The following AFF2 variants were observed in gnomAD, a reference collection of about 807,000 sequenced individuals.
AFF2 encodes the protein ALF transcription elongation factor 2.
A neutral mutation model predicts 76.9 loss-of-function variants in AFF2; 14 were observed. The observed-to-expected ratio is 0.18, with a 90% CI of 0.12 to 0.28. AFF2 has a LOEUF of 0.28. AFF2 is among the 10% of genes least tolerant of loss of function. The probability of loss-of-function intolerance (pLI) is 1.00; values close to 1 mark genes in which losing one functional copy is unlikely to be tolerated. For synonymous variants in AFF2, 398 were observed against 366.7 expected, an observed-to-expected ratio of 1.09 and a Z score of -0.98; for missense variants, 868 against 1,001.1, an observed-to-expected ratio of 0.87 and a Z score of 1.79.
At chrX:148,552,348 A>T (rs1420764914) in intron 1 of AFF2, among the ~76,000 whole-genome samples, 1 of 111,309 alleles carries the variant, frequency 9.0e-6, no homozygotes, top group Admixed American at 9.5e-5. Context: ...GTGTGTGTCA[A>T]CTCTGACTTG....
chrX:148,631,792 G>A (rs1175119017), intron 1 of AFF2, among the ~76,000 whole-genome samples: 2 of 112,048 alleles, frequency 1.8e-5, no homozygotes, highest in African/African-American at 6.5e-5. Context: ...CCTCAGAACA[G>A]CTCTTTTAAT....
At chrX:148,660,634 C>A (rs1557257610) in intron 2 of AFF2, among the ~76,000 whole-genome samples, 1 of 112,039 alleles carries the variant, frequency 8.9e-6, no homozygotes. Context: ...CTCCTGTGCA[C>A]TGAAAATGTG....
At chrX:148,699,299 T>C (rs1301094289) in intron 3 of AFF2, among the ~76,000 whole-genome samples, 2 of 112,543 alleles carry the variant, frequency 1.8e-5, no homozygotes, top group Admixed American at 9.4e-5. Flanking sequence ...CGCATAGGTA[T>C]ACCTGCACAT....
chrX:148,840,422 A>G (rs73607922), intron 5 of AFF2, among the ~76,000 whole-genome samples: 7,009 of 111,852 alleles, frequency 0.063, 438 homozygotes, highest in African/African-American at 0.19. Context: ...GTTAATTATG[A>G]CAAAGATGGT....
At chrX:148,938,359 T>A (rs946437872) in intron 9 of AFF2, among the ~76,000 whole-genome samples, 2 of 112,277 alleles carry the variant, frequency 1.8e-5, no homozygotes, top group Admixed American at 9.5e-5. Flanking sequence ...CTTTTGAGAC[T>A]CTCCTTATAT....
intron 3 of AFF2, among the ~76,000 whole-genome samples, chrX:148,781,836 CCCGAGGGAATCT>C (rs2069749555): frequency 8.9e-6 from 1 of 111,733 alleles, no homozygotes; most frequent in Non-Finnish European, 1.9e-5. Flanking sequence ...GGTGTAGGCA[CCCGAGGGAATCT>C]CCTGGTCTGT....
chrX:148,835,042 G>A (rs1557273650), intron 4 of AFF2, among the ~76,000 whole-genome samples: 1 of 112,072 alleles, frequency 8.9e-6, no homozygotes, highest in Non-Finnish European at 1.9e-5. Flanking sequence ...AGTTCCATGT[G>A]GATTAGCTAA....
intron 2 of AFF2, among the ~76,000 whole-genome samples, chrX:148,653,970 G>A (rs2054227731): frequency 9.0e-6 from 1 of 111,640 alleles, no homozygotes; most frequent in African/African-American, 3.3e-5. Context: ...AAACTCATGG[G>A]AGTGGTCAAG....
chrX:148,557,296 G>T (rs1462504729), intron 1 of AFF2, among the ~76,000 whole-genome samples: 2 of 112,238 alleles, frequency 1.8e-5, no homozygotes, highest in African/African-American at 6.5e-5. Flanking sequence ...AATAAAGGGA[G>T]ATTTCTTTAA....
chrX:148,995,028 A>G lies in AFF2; in HGVS notation c.*3696A>G, dbSNP rs1456149482. The stretch of plus-strand genomic sequence containing the variant: ...TGGCAAGATGATACAGCTACACAGT[A>G]TCAAATGAATGGGTCAATTCAGCAC... On this transcript the variant is annotated 3_prime_UTR_variant, in exon 21 of 21. Coordinates refer to ENST00000370460, the MANE Select transcript of AFF2 (RefSeq NM_002025.4). 1 of 112,095 alleles carries G rather than the reference A, an allele frequency of 8.9e-6. No individual in the cohort carries two copies. The highest frequency in any genetic ancestry group is 1.9e-5 in the Non-Finnish European group (1 of 53,172). 9.2% of individuals were successfully genotyped at this position (112,095 alleles called of 1,213,427 possible). A position where few individuals can be genotyped will look rare whatever the true frequency, so the allele number is the denominator to read the frequency against.
chrX:148,921,541 A>G (rs1299865973), intron 9 of AFF2, among the ~76,000 whole-genome samples: 2 of 112,292 alleles, frequency 1.8e-5, no homozygotes, highest in Non-Finnish European at 3.8e-5. Flanking sequence ...TTCACTTAGT[A>G]TGTTCTCAAA....
chrX:148,614,729 C>CCTTCT (rs1569552160), intron 1 of AFF2, among the ~76,000 whole-genome samples: 48 of 61,916 alleles, frequency 7.8e-4, no homozygotes, highest in Admixed American at 1.9e-3. Flanking sequence ...TTCTTTCTTT[C>CCTTCT]TTTCCTTCTT....
intron 9 of AFF2, among the ~76,000 whole-genome samples, chrX:148,916,949 C>G (rs1381308423): frequency 3.6e-5 from 4 of 112,284 alleles, no homozygotes; most frequent in African/African-American, 9.7e-5. Context: ...GTGCAAACAT[C>G]TAAGGATATC....
At chrX:148,853,704 G>A (rs1412498460) in intron 7 of AFF2, among the ~76,000 whole-genome samples, 1 of 111,794 alleles carries the variant, frequency 8.9e-6, no homozygotes. Context: ...TTTTTCAAAA[G>A]TGTTCTGTCA....
intron 15 of AFF2, among the ~76,000 whole-genome samples, chrX:148,971,743 A>ATTTCTTTTTTTTTTTTTTTTTTTT (rs2072256598): frequency 7.2e-5 from 1 of 13,934 alleles, no homozygotes; most frequent in African/African-American, 2.4e-4. Context: ...TTTTTTTTCT[A>ATTTCTTTTTTTTTTTTTTTTTTTT]TTTCTTTTTT....
chrX:148,708,714 A>AAAAAC (rs1263909351), intron 3 of AFF2, among the ~76,000 whole-genome samples: 3 of 112,384 alleles, frequency 2.7e-5, no homozygotes, highest in African/African-American at 6.5e-5. Flanking sequence ...ACTCCGTCTC[A>AAAAAC]AAAACAAAAC....
chrX:148,570,910 A>C (rs1437814446), intron 1 of AFF2, among the ~76,000 whole-genome samples: 2 of 110,502 alleles, frequency 1.8e-5, no homozygotes, highest in African/African-American at 6.6e-5. Flanking sequence ...CTGTCTGTCC[A>C]AATGTCCCCT....
intron 3 of AFF2, among the ~76,000 whole-genome samples, chrX:148,800,955 A>G (rs1034144484): frequency 5.3e-5 from 6 of 112,296 alleles, no homozygotes; most frequent in African/African-American, 1.9e-4. Context: ...GGAGGATATG[A>G]GTTAATCGAG....
At chrX:148,565,616 C>A (rs1468278114) in intron 1 of AFF2, among the ~76,000 whole-genome samples, 1 of 110,862 alleles carries the variant, frequency 9.0e-6, no homozygotes, top group Non-Finnish European at 1.9e-5. Context: ...CTTAGGGGTA[C>A]AAATATAATG....
Sources: allele counts gnomAD v4.1 joint callset (sites outside exome capture counted in the v4.1 genomes callset), GRCh38; gene constraint gnomAD v4.1.1; transcripts MANE v1.5; gene names NCBI Gene and HGNC (gene_info 2026-07-23, HGNC 2026-07-21).